CTBP2: variants seen among roughly 807,000 people sequenced by gnomAD.
CTBP2 encodes C-terminal-binding protein 2.
A neutral mutation model predicts 80.3 loss-of-function variants in CTBP2; 30 were observed. The ratio of observed to expected loss-of-function variants is 0.37; its 90% confidence interval spans 0.28 to 0.51. The LOEUF (loss-of-function observed/expected upper bound fraction) is 0.51. Among genes scored for constraint, CTBP2 ranks in the 20% least tolerant of loss-of-function variants. The probability of loss-of-function intolerance (pLI) is 0.93; values close to 1 mark genes in which losing one functional copy is unlikely to be tolerated. For missense variants in CTBP2, 1,212 were observed against 1,375.3 expected, an observed-to-expected ratio of 0.88 and a Z score of 1.88; for synonymous variants, 594 against 587.4, an observed-to-expected ratio of 1.01 and a Z score of -0.16.
At chr10:125,007,445 C>T (rs765946706) in intron 1 of CTBP2, among the ~76,000 whole-genome samples, 4 of 152,274 alleles carry the variant, frequency 2.6e-5, no homozygotes, top group Non-Finnish European at 4.4e-5. Context: ...CCAGGCCAAA[C>T]TGCTGGACTT....
intron 1 of CTBP2, chr10:125,158,859 C>G (rs1861415704): frequency 6.6e-6 from 1 of 152,122 alleles, no homozygotes; most frequent in Non-Finnish European, 1.5e-5. Context: ...ACGCTCACTC[C>G]GTGTCCGCGA....
intron 1 of CTBP2, among the ~76,000 whole-genome samples, chr10:125,126,595 A>G (rs1289972593): frequency 1.3e-5 from 2 of 152,262 alleles, no homozygotes; most frequent in Non-Finnish European, 2.9e-5. Context: ...AATCAGGACA[A>G]GCCACGTACT....
intron 2 of CTBP2, among the ~76,000 whole-genome samples, chr10:125,101,682 G>A (rs146443576): frequency 6.6e-6 from 1 of 152,322 alleles, no homozygotes; most frequent in East Asian, 1.9e-4. Context: ...TTTGAGTTCC[G>A]TTCGTCTTGC....
In CTBP2 at chr10:125,090,907, C is replaced by T. The variant is rs1320681683; in HGVS notation, c.-102+20083G>A. Among the ~76,000 whole-genome samples the T allele has an allele frequency of 3.3e-5, 5 of 152,140 alleles. No individual in the cohort carries two copies. The East Asian group carries it at 9.6e-4, about 29-fold the overall frequency. On this transcript the variant is annotated intron_variant, in intron 2 of 10. Transcript: ENST00000337195. Reference sequence around the variant, plus strand: ...CAGGTACTAAGTCATTTATCCTTTACAAGCTTATAAAACAGGTACTATTAT... The same window carrying T: ...CAGGTACTAAGTCATTTATCCTTTATAAGCTTATAAAACAGGTACTATTAT...
upstream of CTBP2, chr10:125,032,754 C>T (rs1196907007): frequency 6.5e-6 from 1 of 154,824 alleles, no homozygotes; most frequent in Non-Finnish European, 1.5e-5. Context: ...GGACGGCTGG[C>T]CTCAAGGGAG....
chr10:125,142,908 G>C (rs916999810), intron 1 of CTBP2, among the ~76,000 whole-genome samples: 1 of 152,162 alleles, frequency 6.6e-6, no homozygotes, highest in Admixed American at 6.5e-5. Flanking sequence ...ACCTCCCGTG[G>C]TTTAGTGGCC....
intron 1 of CTBP2, among the ~76,000 whole-genome samples, chr10:125,112,200 C>A (rs1026105207): frequency 2.7e-5 from 4 of 150,578 alleles, no homozygotes; most frequent in Non-Finnish European, 5.9e-5. Context: ...GCAAGCTCCG[C>A]CTCCTGAGTT....
chr10:125,126,298 T>C (rs541627258), intron 1 of CTBP2, among the ~76,000 whole-genome samples: 16 of 152,210 alleles, frequency 1.1e-4, no homozygotes, highest in Non-Finnish European at 2.2e-4. Context: ...TAAGTTCTAA[T>C]TCCACTTAAA....
intron 2 of CTBP2, among the ~76,000 whole-genome samples, chr10:125,072,395 A>G (rs1845617644): frequency 6.6e-6 from 1 of 151,986 alleles, no homozygotes; most frequent in African/African-American, 2.4e-5. Flanking sequence ...TGGGTGAATT[A>G]CCTGAGGTCA....
chr10:125,053,685 A>G (rs561878036), intron 2 of CTBP2, among the ~76,000 whole-genome samples: 1 of 152,294 alleles, frequency 6.6e-6, no homozygotes, highest in East Asian at 1.9e-4. Context: ...CGGGGTGAAC[A>G]TCTCAGACAC....
At chr10:125,097,619 A>T (rs1849731516) in intron 2 of CTBP2, among the ~76,000 whole-genome samples, 1 of 151,976 alleles carries the variant, frequency 6.6e-6, no homozygotes, top group Non-Finnish European at 1.5e-5. Flanking sequence ...TACCATTCAC[A>T]ATTTGTACAC....
intron 3 of CTBP2, among the ~76,000 whole-genome samples, chr10:125,002,009 C>T (rs564083865): frequency 3.3e-5 from 5 of 152,314 alleles, no homozygotes; most frequent in East Asian, 3.9e-4. Flanking sequence ...CCGGAAGCAC[C>T]GGGGCCCACT....
upstream of CTBP2, chr10:125,032,633 G>A (rs950796701): frequency 2.0e-5 from 3 of 153,718 alleles, no homozygotes; most frequent in African/African-American, 2.4e-5. Flanking sequence ...CCTGCGGAGC[G>A]GAGCGCACCC....
chr10:125,072,904 C>G (rs1019035686), intron 2 of CTBP2, among the ~76,000 whole-genome samples: 3 of 152,136 alleles, frequency 2.0e-5, no homozygotes, highest in Middle Eastern at 3.2e-3. Context: ...TTACAAGGCC[C>G]CAAATCACTA....
chr10:125,129,278 G>T (rs1855764060), intron 1 of CTBP2, among the ~76,000 whole-genome samples: 1 of 152,122 alleles, frequency 6.6e-6, no homozygotes, highest in East Asian at 1.9e-4. Context: ...TTTCCGGAGT[G>T]ACTGTAGCTC....
At chr10:124,990,087 C>T (rs1952400516) in intron 8 of CTBP2, among the ~76,000 whole-genome samples, 1 of 148,188 alleles carries the variant, frequency 6.7e-6, no homozygotes, top group Non-Finnish European at 1.5e-5. Flanking sequence ...TGTCGCCAGT[C>T]TGGAGTGCAG....
At chr10:125,024,800 T>C (rs561021158) in intron 1 of CTBP2, among the ~76,000 whole-genome samples, 56 of 152,172 alleles carry the variant, frequency 3.7e-4, no homozygotes, top group Non-Finnish European at 6.2e-4. Context: ...TCGGAAAAAT[T>C]ATCTGACGTC....
rs115380989 is a variant in CTBP2, at chr10:124,992,562, C to T, written c.2777+133G>A. 845 of 615,688 alleles carry T rather than the reference C, an allele frequency of 1.4e-3. 5 individuals carry two copies. The African/African-American group carries it at 0.014, about 10-fold the overall frequency. 38.1% of individuals were successfully genotyped at this position (615,688 alleles called of 1,614,324 possible). A position where few individuals can be genotyped will look rare whatever the true frequency, so the allele number is the denominator to read the frequency against. The stretch of plus-strand genomic sequence containing the variant: ...ATGGGGGCGGTGTACACAGTTCCTG[C>T]TGAGAAGGCTGATTGTTCTGACCCT... On this transcript the variant is annotated intron_variant, in intron 8 of 8. Coordinates refer to ENST00000309035, the MANE Select transcript of CTBP2 (RefSeq NM_022802.3).
At chr10:125,085,656 G>A (rs1351543595) in intron 2 of CTBP2, among the ~76,000 whole-genome samples, 1 of 152,200 alleles carries the variant, frequency 6.6e-6, no homozygotes, top group Non-Finnish European at 1.5e-5. Flanking sequence ...CACTCCATGG[G>A]GAAATCTAGT....
Sources: gnomAD v4.1 joint callset for allele counts (sites outside exome capture counted in the v4.1 genomes callset) on GRCh38, gnomAD v4.1.1 for gene constraint, MANE v1.5 for transcripts, NCBI Gene and HGNC (gene_info 2026-07-23, HGNC 2026-07-21) for gene names.